Variants in ISL2 observed in about 807,000 individuals in gnomAD.
ISL2 encodes insulin gene enhancer protein ISL-2.
A neutral mutation model predicts 34.6 loss-of-function variants in ISL2; 17 were observed. The observed-to-expected ratio is 0.49, with a 90% CI of 0.34 to 0.74. ISL2 has a LOEUF of 0.74. Ranked by LOEUF, ISL2 falls within the 30% of genes least tolerant of loss-of-function variation. The probability of loss-of-function intolerance (pLI) is 0.01; values close to 1 mark genes in which losing one functional copy is unlikely to be tolerated. For synonymous variants in ISL2, 232 were observed against 225.5 expected (o/e 1.03, Z -0.26); for missense variants, 469 against 515.2 (o/e 0.91, Z 0.87).
At chr15:76,338,736 A>G in intron 3 of ISL2, 1 of 985,380 alleles carries the variant, frequency 1.0e-6, no homozygotes, top group Non-Finnish European at 1.2e-6. Context: ...GTGAGCACGG[A>G]GAATTGTGCA....
At chr15:76,340,711 C>G (rs1421660191) in intron 4 of ISL2, 152 bp downstream of exon 4, 1 of 717,764 alleles carries the variant, frequency 1.4e-6, no homozygotes, top group Non-Finnish European at 2.3e-6. Flanking sequence ...GCAAGGCTTC[C>G]CTTGGATTTG....
At chr15:76,338,103 TC>T in intron 2 of ISL2, 136 bp downstream of exon 2, 4 of 1,330,264 alleles carry the variant, frequency 3.0e-6, no homozygotes, top group Non-Finnish European at 3.9e-6. Flanking sequence ...GCCGCAGCGC[TC>T]CCCCGGGCCC....
intron 3 of ISL2, chr15:76,339,267 C>T (rs1188675867): frequency 1.3e-5 from 13 of 984,810 alleles, no homozygotes; most frequent in Non-Finnish European, 1.6e-5. Flanking sequence ...TGTGGCCTTG[C>T]CCCGCTCCTC....
chr15:76,341,462 C>G (rs1462231923), intron 5 of ISL2, among the ~76,000 whole-genome samples, 161 bp downstream of exon 5: 1 of 152,222 alleles, frequency 6.6e-6, no homozygotes, highest in African/African-American at 2.4e-5. Context: ...GAAACCTCAC[C>G]TCGGCCCATT....
In ISL2 at chr15:76,338,435, C is replaced by A; in HGVS notation, c.432C>A (p.Gly144=). Residue 144 remains glycine, a synonymous_variant, in exon 3 of 6, where the codon GGC becomes GGA. Coordinates refer to ENST00000290759, the MANE Select transcript of ISL2 (RefSeq NM_145805.3). ...EHELLCRADH[G]LLLERAAAGS... is the part of the protein sequence containing the mutation. Reference sequence around the variant, plus strand: ...AGCTGCTCTGCCGCGCCGACCACGGCCTCCTGCTCGAGCGCGCCGCGGCCG... The same window carrying A: ...AGCTGCTCTGCCGCGCCGACCACGGACTCCTGCTCGAGCGCGCCGCGGCCG... The A allele has an allele frequency of 6.8e-7, 1 of 1,468,382 alleles. No homozygotes were observed. The highest frequency in any genetic ancestry group is 9.0e-7 in the Non-Finnish European group (1 of 1,114,976). 91.0% of individuals were successfully genotyped at this position (1,468,382 alleles called of 1,614,324 possible). A position where few individuals can be genotyped will look rare whatever the true frequency, so the allele number is the denominator to read the frequency against.
In ISL2 at chr15:76,337,825, G is replaced by A. The variant is rs767246424; in HGVS notation, c.106G>A (p.Asp36Asn). The change falls in exon 2 of 6, where the codon GAC becomes AAC. Residue 36 changes from aspartate (D) to asparagine (N), a missense_variant. Around this residue, in one of 3 missense-constraint regions of ISL2, gnomAD observed 297 missense variants for 337.8 expected, o/e 0.88. Coordinates refer to ENST00000290759, the MANE Select transcript of ISL2 (RefSeq NM_145805.3). Reference protein sequence around the residue: ...MCVGCGSQIHDQFILRVSPDL... With the variant: ...MCVGCGSQIHNQFILRVSPDL... ...CGTGGGCTGCGGGAGTCAGATCCAC[G>A]ACCAGTTTATCCTGCGGGTGTCGCC... The A allele has an allele frequency of 5.0e-6, 8 of 1,611,216 alleles. No individual in the cohort carries two copies. In the South Asian group the frequency reaches 8.8e-5, roughly 18 times the overall value.
Position 76,338,313 on chromosome 15 carries a change from AG to A in ISL2, c.313del (p.Ala105ArgfsTer94). Reference sequence around the variant, plus strand: ...CTTCAGCAGCAGCGACCTGGTGATGAGGGCGCGGGACAGCGTGTACCACATC... The same window carrying A: ...CTTCAGCAGCAGCGACCTGGTGATGAGGCGCGGGACAGCGTGTACCACATC... Reference protein sequence around the residue: ...VGFSSSDLVMRARDSVYHIEC... With the variant: ...VGFSSSDLVMXARDSVYHIEC... On this transcript the variant is annotated frameshift_variant, in exon 3 of 6. Coordinates refer to ENST00000290759, the MANE Select transcript of ISL2 (RefSeq NM_145805.3). LOFTEE classifies it high-confidence loss of function. 6.3e-7 allele frequency: 1 copy of A among 1,584,236 alleles called. No homozygotes were observed.
intron 2 of ISL2, 56 bp from the exon 3 acceptor site, chr15:76,338,196 G>A (rs2040167067): frequency 2.0e-6 from 3 of 1,509,110 alleles, no homozygotes; most frequent in South Asian, 1.2e-5. Flanking sequence ...TAGCAGCCAG[G>A]GAGATGAGGG....
rs2040189578 is a variant in ISL2 at position 76,341,116 on chromosome 15, C to T, written c.796-18C>T. 2.6e-6 allele frequency: 4 copies of T among 1,542,512 alleles called. No homozygotes were observed. Among genetic ancestry groups the T allele is most frequent in the African/African-American group, 1.4e-5 (1 of 73,204 alleles). On this transcript the variant is annotated intron_variant, in intron 4 of 5. Coordinates refer to ENST00000290759, the MANE Select transcript of ISL2 (RefSeq NM_145805.3). Reference sequence around the variant, plus strand: ...CAGACCTAACTCGAGCACCTACTGCCTTCTGCTTGCCCCGCAGAGCCTTCA... The same window carrying T: ...CAGACCTAACTCGAGCACCTACTGCTTTCTGCTTGCCCCGCAGAGCCTTCA...
chr15:76,339,157 C>A, intron 3 of ISL2: 2 of 985,350 alleles, frequency 2.0e-6, no homozygotes, highest in Non-Finnish European at 2.4e-6. Flanking sequence ...TACGGCTGAA[C>A]AGAAACAGAG....
rs138984043 is a variant in ISL2, at chr15:76,341,271, C to T, written c.933C>T (p.Ser311=). ...WKALSEFALQ[S]DLDQPAFQQL... ...CGCTCAGCGAGTTTGCCCTCCAGAG[C>T]GACCTGGACCAACCCGCCTTCCAAC... Residue 311 remains serine, a synonymous_variant, in exon 5 of 6, where the codon AGC becomes AGT. Transcript: ENST00000290759. 21 of 1,607,606 alleles carry T rather than the reference C, an allele frequency of 1.3e-5. No individual in the cohort carries two copies. The African/African-American group carries it at 2.5e-4, about 19-fold the overall frequency.
chr15:76,338,634 A>C (rs963132029), intron 3 of ISL2, 120 bp downstream of exon 3: 1 of 1,234,660 alleles, frequency 8.1e-7, no homozygotes, highest in African/African-American at 1.6e-5. Flanking sequence ...CTGCCGGGAT[A>C]GTGTTTTTCT....
At chr15:76,341,536 A>G (rs113011585) in intron 5 of ISL2, among the ~76,000 whole-genome samples, 183 bp from the exon 6 acceptor site, 80 of 151,640 alleles carry the variant, frequency 5.3e-4, no homozygotes, top group African/African-American at 1.8e-3. Context: ...GGATTAACCA[A>G]CCCGCTCCCC....
chr15:76,341,101 T>A (rs2040189381), intron 4 of ISL2, 33 bp from the exon 5 acceptor site: 1 of 1,525,154 alleles, frequency 6.6e-7, no homozygotes, highest in African/African-American at 1.4e-5. Context: ...CAGACCTAAC[T>A]CGAGCACCTA....
At chr15:76,340,754 T>C (rs1030293253) in intron 4 of ISL2, among the ~76,000 whole-genome samples, 195 bp downstream of exon 4, 1 of 152,252 alleles carries the variant, frequency 6.6e-6, no homozygotes, top group Non-Finnish European at 1.5e-5. Context: ...TCGGGGTTTC[T>C]CCTTGTCCCA....
chr15:76,337,054 ATAGTT>A (rs925014891), intron 1 of ISL2, 113 bp downstream of exon 1: 62 of 954,854 alleles, frequency 6.5e-5, no homozygotes, highest in Non-Finnish European at 8.4e-5. Flanking sequence ...ATTTGTCAGA[ATAGTT>A]TAGGAGAGGA....
chr15:76,340,236 CG>C (rs2040183037), intron 3 of ISL2, 39 bp from the exon 4 acceptor site: 1 of 1,494,178 alleles, frequency 6.7e-7, no homozygotes, highest in African/African-American at 1.4e-5. Context: ...GGGTGGGTGG[CG>C]GCCCCTCGCT....
intron 1 of ISL2, 36 bp downstream of exon 1, chr15:76,336,977 T>A: frequency 2.6e-6 from 4 of 1,557,930 alleles, no homozygotes; most frequent in Non-Finnish European, 2.7e-6. Flanking sequence ...GTGGGGTGTG[T>A]GTGTATGCTT....
chr15:76,337,623 CT>C (rs993955763), intron 1 of ISL2, 154 bp from the exon 2 acceptor site: 4 of 619,142 alleles, frequency 6.5e-6, no homozygotes, highest in Non-Finnish European at 1.1e-5. Context: ...TTCCAATGCC[CT>C]GGACCTTTAG....
Sources: gnomAD v4.1 joint callset for allele counts (sites outside exome capture counted in the v4.1 genomes callset) on GRCh38, gnomAD v4.1.1 for gene constraint, gnomAD v4.1.1 regional missense constraint, MANE v1.5 for transcripts, NCBI Gene and HGNC (gene_info 2026-07-23, HGNC 2026-07-21) for gene names.